The following NGEF variants were observed in gnomAD, a reference collection of about 807,000 sequenced individuals.
NGEF encodes neuronal guanine nucleotide exchange factor.
A neutral mutation model predicts 80.9 loss-of-function variants in NGEF; 31 were observed. The observed-to-expected ratio is 0.38, with a 90% CI of 0.29 to 0.52. The LOEUF is 0.52. Ranked by LOEUF, NGEF falls within the 20% of genes least tolerant of loss-of-function variation. The pLI is 0.84. For missense variants in NGEF, 709 were observed against 926.2 expected (o/e 0.77, Z 3.04); for synonymous variants, 371 against 370.2 (o/e 1.00, Z -0.03).
chr2:232,895,689 T>G (rs951036435), intron 5 of NGEF, among the ~76,000 whole-genome samples: 1 of 152,136 alleles, frequency 6.6e-6, no homozygotes, highest in Non-Finnish European at 1.5e-5. Flanking sequence ...CCGGCCAGTG[T>G]CAAGCACGAG....
intron 5 of NGEF, among the ~76,000 whole-genome samples, chr2:232,905,489 A>C (rs951384611): frequency 6.6e-6 from 1 of 152,122 alleles, no homozygotes; most frequent in South Asian, 2.1e-4. Context: ...TGGCCCCCCA[A>C]AGTGCGGAGA....
chr2:232,931,554 A>G (rs1397156211), intron 3 of NGEF, among the ~76,000 whole-genome samples: 2 of 152,248 alleles, frequency 1.3e-5, no homozygotes, highest in Non-Finnish European at 2.9e-5. Context: ...ATTACAAGCT[A>G]TGAGAAAACA....
intron 14 of NGEF, 42 bp from the exon 15 acceptor site, chr2:232,879,721 G>A: frequency 6.3e-7 from 1 of 1,579,636 alleles, no homozygotes; most frequent in Non-Finnish European, 8.7e-7. Context: ...TGCTCCTGCA[G>A]GGCACAGGCT....
intron 4 of NGEF, among the ~76,000 whole-genome samples, chr2:232,924,428 T>G (rs1319538879): frequency 1.3e-5 from 2 of 151,958 alleles, no homozygotes; most frequent in Non-Finnish European, 2.9e-5. Context: ...AGAAATAAAC[T>G]TCTGTTGTTT....
intron 1 of NGEF, among the ~76,000 whole-genome samples, chr2:232,980,102 C>T (rs1251251459): frequency 6.6e-6 from 1 of 152,146 alleles, no homozygotes; most frequent in Non-Finnish European, 1.5e-5. Context: ...TAACTGTGGG[C>T]TGAAGTCAGG....
At chr2:232,894,093 GC>G (rs1691978374) in intron 6 of NGEF, among the ~76,000 whole-genome samples, 1 of 152,234 alleles carries the variant, frequency 6.6e-6, no homozygotes, top group Non-Finnish European at 1.5e-5. Flanking sequence ...GCTTCTGGCT[GC>G]AAAACTCCAT....
intron 5 of NGEF, among the ~76,000 whole-genome samples, chr2:232,906,235 C>CT: frequency 1.0e-5 from 1 of 97,108 alleles, no homozygotes; most frequent in South Asian, 3.4e-4. Context: ...GTCAGCCCCC[C>CT]GCCCGGCCAG....
At chr2:233,010,703 G>T (rs963912301) in intron 1 of NGEF, among the ~76,000 whole-genome samples, 4 of 152,222 alleles carry the variant, frequency 2.6e-5, no homozygotes, top group Non-Finnish European at 5.9e-5. Flanking sequence ...CACAGAGGGT[G>T]CTCCAGCAAA....
Position 232,885,350 on chromosome 2 carries a change from T to C in NGEF, c.1367A>G (p.Glu456Gly), listed in dbSNP as rs752055877. 1 of 1,614,122 alleles carries C rather than the reference T, an allele frequency of 6.2e-7. No homozygotes were observed. The highest frequency in any genetic ancestry group is 1.1e-5 in the South Asian group (1 of 91,084). ...ELEMVVKACN[E>G]GVRKMSRTEQ... ...CGTGCGGCTCATTTTCCTGACGCCCTCGTTGCATGCCTTCACCACCTGGGA... is the reference window on the plus strand; with the variant it reads ...CGTGCGGCTCATTTTCCTGACGCCCCCGTTGCATGCCTTCACCACCTGGGA... Residue 456 changes from glutamate (E) to glycine (G), a missense_variant, in exon 10 of 15, where the codon GAG (glutamate) becomes GGG (glycine). Glu to Gly is a moderately conservative substitution (Grantham distance 98). Transcript: ENST00000264051.
intron 4 of NGEF, among the ~76,000 whole-genome samples, chr2:232,922,979 A>G (rs1200481838): frequency 6.6e-6 from 1 of 152,084 alleles, no homozygotes; most frequent in Non-Finnish European, 1.5e-5. Context: ...CTGAGGCAGG[A>G]GAATAGCTTG....
intron 1 of NGEF, among the ~76,000 whole-genome samples, chr2:233,007,454 G>C (rs1695108645): frequency 6.6e-6 from 1 of 152,146 alleles, no homozygotes; most frequent in Non-Finnish European, 1.5e-5. Context: ...GGTCTCCAGT[G>C]GGGACAACTC....
chr2:233,011,292 T>A (rs1695197515), intron 1 of NGEF, among the ~76,000 whole-genome samples: 1 of 152,020 alleles, frequency 6.6e-6, no homozygotes, highest in Non-Finnish European at 1.5e-5. Context: ...ATTGGGGTTG[T>A]GCTGGGGGGT....
chr2:232,922,671 A>G (rs1331411771), intron 4 of NGEF, among the ~76,000 whole-genome samples: 1 of 152,256 alleles, frequency 6.6e-6, no homozygotes, highest in Non-Finnish European at 1.5e-5. Flanking sequence ...ACAGAGGTTT[A>G]AAGAAACCAA....
intron 1 of NGEF, among the ~76,000 whole-genome samples, chr2:233,007,884 G>A (rs1175500982): frequency 6.6e-6 from 1 of 152,206 alleles, no homozygotes; most frequent in Non-Finnish European, 1.5e-5. Flanking sequence ...TTGTCCAGGC[G>A]CCAGATGCCC....
At chr2:232,951,218 G>A (rs1036188055) in intron 3 of NGEF, among the ~76,000 whole-genome samples, 4 of 152,144 alleles carry the variant, frequency 2.6e-5, no homozygotes, top group South Asian at 2.1e-4. Context: ...TGGTGGCCAC[G>A]CGCTACCTCG....
At chr2:232,967,208 G>A (rs1276263271) in intron 3 of NGEF, among the ~76,000 whole-genome samples, 2 of 152,244 alleles carry the variant, frequency 1.3e-5, no homozygotes, top group African/African-American at 4.8e-5. Context: ...CCTGCCATGT[G>A]AGACACCTGC....
Position 232,879,375 on chromosome 2 carries a change from G to C in NGEF, c.*114C>G, listed in dbSNP as rs916827138. ...CAGGGATGAGGGCCGGGCACCCCAAGCCAGATCCTGCCACCTGGGGAGGTG... is the reference window on the plus strand; with the variant it reads ...CAGGGATGAGGGCCGGGCACCCCAACCCAGATCCTGCCACCTGGGGAGGTG... On this transcript the variant is annotated 3_prime_UTR_variant, in exon 15 of 15. Coordinates refer to ENST00000264051, the MANE Select transcript of NGEF (RefSeq NM_019850.3). 27 of 1,119,916 alleles carry C rather than the reference G, an allele frequency of 2.4e-5. No individual in the cohort carries two copies. Among genetic ancestry groups the C allele is most frequent in the Admixed American group, 4.3e-5 (2 of 46,928 alleles). The allele number at this position is 1,119,916 out of a possible 1,614,324, so 69.4% of individuals were successfully genotyped here.
Position 232,906,391 on chromosome 2 carries a change from A to G in NGEF, c.829-11475T>C, listed in dbSNP as rs1575008229. On this transcript the variant is annotated intron_variant, in intron 5 of 14. Coordinates refer to ENST00000264051, the MANE Select transcript of NGEF (RefSeq NM_019850.3). The stretch of plus-strand genomic sequence containing the variant: ...CGGCCAGCCGCCCCGTCCGGGAGGG[A>G]GGTGGGGGGGTCAGCCCCCCGCCCG... Among the ~76,000 whole-genome samples the G allele has an allele frequency of 2.0e-5, 2 of 97,640 alleles. 1 individual carries two copies. Among genetic ancestry groups the G allele is most frequent in the Non-Finnish European group, 4.2e-5 (2 of 47,316 alleles). 64.1% of individuals were successfully genotyped at this position (97,640 alleles called of 152,430 possible).
At chr2:232,888,941 CCCA>C (rs758478714) in intron 8 of NGEF, among the ~76,000 whole-genome samples, 3 of 152,218 alleles carry the variant, frequency 2.0e-5, no homozygotes, top group South Asian at 4.1e-4. Context: ...CCCCACCATG[CCCA>C]CGTTTTCTGA....
Sources: gnomAD v4.1 joint callset for allele counts (sites outside exome capture counted in the v4.1 genomes callset) on GRCh38, gnomAD v4.1.1 for gene constraint, MANE v1.5 for transcripts, NCBI Gene and HGNC (gene_info 2026-07-23, HGNC 2026-07-21) for gene names.